The following FHIT variants were observed in gnomAD, a reference collection of about 807,000 sequenced individuals.
FHIT encodes the protein fragile histidine triad diadenosine triphosphatase.
Under a neutral mutation model 17.9 loss-of-function variants are expected in FHIT, and 19 were observed. That is an observed-to-expected ratio of 1.06 (90% CI 0.74 to 1.56). The LOEUF (loss-of-function observed/expected upper bound fraction) is 1.56. Among genes scored for constraint, FHIT ranks in the 40% most tolerant of loss-of-function variants. The pLI is 0.00. For missense variants in FHIT, 248 were observed against 189.2 expected, an observed-to-expected ratio of 1.31 and a Z score of -1.82; for synonymous variants, 81 against 69.7, an observed-to-expected ratio of 1.16 and a Z score of -0.81.
chr3:60,417,398 T>C (rs1190538179), intron 5 of FHIT, among the ~76,000 whole-genome samples: 1 of 152,182 alleles, frequency 6.6e-6, no homozygotes. Context: ...TGGTTCATCA[T>C]TCTGTGATCA....
chr3:60,909,326 G>A (rs1446335802), intron 3 of FHIT, among the ~76,000 whole-genome samples: 1 of 145,272 alleles, frequency 6.9e-6, no homozygotes, highest in Non-Finnish European at 1.5e-5. Flanking sequence ...CCGAGATCAT[G>A]CCACTGCACT....
At chr3:60,604,855 T>A (rs2038559367) in intron 4 of FHIT, among the ~76,000 whole-genome samples, 1 of 152,134 alleles carries the variant, frequency 6.6e-6, no homozygotes, top group African/African-American at 2.4e-5. Context: ...ACCCTATAGA[T>A]TCCATTCTGT....
intron 8 of FHIT, among the ~76,000 whole-genome samples, chr3:59,855,873 C>T (rs533054298): frequency 9.2e-5 from 14 of 151,824 alleles, no homozygotes; most frequent in Non-Finnish European, 1.5e-4. Context: ...CTCTGCCTCC[C>T]GGGTTCATGC....
intron 2 of FHIT, among the ~76,000 whole-genome samples, chr3:61,163,253 AAGT>A (rs2037746959): frequency 6.6e-6 from 1 of 152,154 alleles, no homozygotes; most frequent in Non-Finnish European, 1.5e-5. Context: ...CTCTGCCAAG[AAGT>A]TTAGATCTCC....
At chr3:60,094,485 A>T (rs966657256) in intron 5 of FHIT, among the ~76,000 whole-genome samples, 6 of 152,202 alleles carry the variant, frequency 3.9e-5, no homozygotes, top group Non-Finnish European at 4.4e-5. Flanking sequence ...CAGAAATGAA[A>T]TTAAATAGAA....
intron 3 of FHIT, among the ~76,000 whole-genome samples, chr3:60,856,089 T>A (rs1370700632): frequency 4.6e-5 from 7 of 152,124 alleles, no homozygotes; most frequent in African/African-American, 1.4e-4. Flanking sequence ...TCCCAACATG[T>A]TATTTAGCAA....
rs142629247 is a variant in FHIT, at chr3:61,145,427, G to A, written c.-164+55190C>T. The stretch of plus-strand genomic sequence containing the variant: ...CAGCCTTAATTGCTATAGCTTTGTA[G>A]TAAGTTTTGAAACTAGTAAGTGTGA... On this transcript the variant is annotated intron_variant, in intron 2 of 9. Transcript: ENST00000492590. Among the ~76,000 whole-genome samples the A allele has an allele frequency of 9.9e-5, 15 of 152,122 alleles. No individual in the cohort carries two copies. The East Asian group carries it at 2.9e-3, about 29-fold the overall frequency.
chr3:61,008,055 C>T (rs891353398), intron 3 of FHIT, among the ~76,000 whole-genome samples: 1 of 152,168 alleles, frequency 6.6e-6, no homozygotes, highest in Non-Finnish European at 1.5e-5. Context: ...TATACTAATT[C>T]CCTCACTCCC....
At chr3:60,713,524 C>A (rs1337829505) in intron 4 of FHIT, among the ~76,000 whole-genome samples, 1 of 150,252 alleles carries the variant, frequency 6.7e-6, no homozygotes, top group African/African-American at 2.4e-5. Flanking sequence ...AATTGATAGA[C>A]CGCTAGCAAG....
chr3:61,059,163 T>C (rs2034334842), intron 2 of FHIT, among the ~76,000 whole-genome samples: 1 of 152,214 alleles, frequency 6.6e-6, no homozygotes, highest in Non-Finnish European at 1.5e-5. Context: ...AATTTTAAAA[T>C]CGTCCATTTG....
At chr3:60,915,607 G>A (rs1706956767) in intron 3 of FHIT, among the ~76,000 whole-genome samples, 1 of 152,086 alleles carries the variant, frequency 6.6e-6, no homozygotes, top group African/African-American at 2.4e-5. Flanking sequence ...TTTCCATAAA[G>A]TCATGACAAG....
intron 5 of FHIT, among the ~76,000 whole-genome samples, chr3:60,311,403 A>C (rs1708940767): frequency 6.6e-6 from 1 of 152,164 alleles, no homozygotes. Context: ...ATCAGGAGAC[A>C]CACACATATC....
intron 3 of FHIT, among the ~76,000 whole-genome samples, chr3:61,000,112 A>T (rs1157696786): frequency 6.6e-6 from 1 of 152,150 alleles, no homozygotes; most frequent in Non-Finnish European, 1.5e-5. Flanking sequence ...GAATGTCCTG[A>T]GTGAGGGTGA....
At chr3:60,596,882 T>C (rs1426181539) in intron 4 of FHIT, among the ~76,000 whole-genome samples, 3 of 152,144 alleles carry the variant, frequency 2.0e-5, no homozygotes, top group African/African-American at 7.2e-5. Flanking sequence ...CAGATGTTAG[T>C]ATTGTCCCCC....
At chr3:60,324,383 G>C (rs1028428921) in intron 5 of FHIT, among the ~76,000 whole-genome samples, 1 of 151,722 alleles carries the variant, frequency 6.6e-6, no homozygotes, top group East Asian at 1.9e-4. Flanking sequence ...AGGAGATGGA[G>C]ACCATCCTGG....
intron 8 of FHIT, among the ~76,000 whole-genome samples, chr3:59,768,319 C>T (rs1010841302): frequency 5.3e-5 from 8 of 152,194 alleles, no homozygotes; most frequent in African/African-American, 1.9e-4. Flanking sequence ...CAGTAGCAGG[C>T]CTTTACCATT....
At chr3:61,161,309 C>A (rs1409401057) in intron 2 of FHIT, among the ~76,000 whole-genome samples, 2 of 151,834 alleles carry the variant, frequency 1.3e-5, no homozygotes, top group East Asian at 1.9e-4. Context: ...CCAAGTGATT[C>A]TCTTGCCTCA....
At chr3:60,441,720 A>G (rs373408502) in intron 5 of FHIT, among the ~76,000 whole-genome samples, 11 of 57,704 alleles carry the variant, frequency 1.9e-4, no homozygotes, top group East Asian at 1.4e-3. Flanking sequence ...ATATATATAT[A>G]TATTTGTATT....
At chr3:60,195,575 T>TATTTA (rs1702598557) in intron 5 of FHIT, among the ~76,000 whole-genome samples, 1 of 92,726 alleles carries the variant, frequency 1.1e-5, no homozygotes, top group African/African-American at 3.1e-5. Flanking sequence ...ATTTATATAA[T>TATTTA]TATATTTATA....
Sources: allele counts gnomAD v4.1 joint callset (sites outside exome capture counted in the v4.1 genomes callset), GRCh38; gene constraint gnomAD v4.1.1; transcripts MANE v1.5; gene names NCBI Gene and HGNC (gene_info 2026-07-23, HGNC 2026-07-21).